Variants in PEBP4 observed in about 807,000 individuals in gnomAD.
PEBP4 encodes the protein phosphatidylethanolamine binding protein 4, also known as phosphatidylethanolamine-binding protein 4.
Under a neutral mutation model 23.9 loss-of-function variants are expected in PEBP4, and 22 were observed. That is an observed-to-expected ratio of 0.92 (90% CI 0.66 to 1.31). The LOEUF (loss-of-function observed/expected upper bound fraction) is 1.31. PEBP4 is among the 40% of genes most tolerant of loss of function. The pLI is 0.00. For synonymous variants in PEBP4, 112 were observed against 99.3 expected, an observed-to-expected ratio of 1.13 and a Z score of -0.76; for missense variants, 324 against 281.7, an observed-to-expected ratio of 1.15 and a Z score of -1.07.
intron 3 of PEBP4, among the ~76,000 whole-genome samples, chr8:22,827,139 T>C (rs1563229381): frequency 6.6e-6 from 1 of 152,148 alleles, no homozygotes; most frequent in Non-Finnish European, 1.5e-5. Context: ...GGAAGCCACA[T>C]TAACAAATCA....
At chr8:22,862,435 G>A (rs754953916) in intron 3 of PEBP4, among the ~76,000 whole-genome samples, 3 of 152,014 alleles carry the variant, frequency 2.0e-5, no homozygotes, top group Non-Finnish European at 4.4e-5. Context: ...TCCTCCCTAA[G>A]TATCTAAGAC....
chr8:22,888,155 C>CT (rs34600138), intron 3 of PEBP4: 37,088 of 129,734 alleles, frequency 0.29, 5,566 homozygotes, highest in East Asian at 0.37. Context: ...CCACCCACTT[C>CT]TTTTTTTTTT....
intron 2 of PEBP4, among the ~76,000 whole-genome samples, chr8:22,922,366 C>T (rs143828097): frequency 1.8e-4 from 28 of 151,424 alleles, no homozygotes; most frequent in South Asian, 1.3e-3. Context: ...ACTTACGAGA[C>T]GACCTGGACA....
chr8:22,887,428 C>T (rs1808406250), intron 3 of PEBP4, among the ~76,000 whole-genome samples: 1 of 151,546 alleles, frequency 6.6e-6, no homozygotes, highest in East Asian at 2.0e-4. Context: ...GGATTACAGG[C>T]GTGAGCCACC....
At chr8:22,909,569 T>C (rs1235075007) in intron 3 of PEBP4, among the ~76,000 whole-genome samples, 1 of 152,114 alleles carries the variant, frequency 6.6e-6, no homozygotes, top group Non-Finnish European at 1.5e-5. Flanking sequence ...TGTATTGGCT[T>C]AGGTGGCTGG....
chr8:22,846,171 C>T (rs538322830), intron 3 of PEBP4, among the ~76,000 whole-genome samples: 2 of 152,340 alleles, frequency 1.3e-5, no homozygotes, highest in Admixed American at 1.3e-4. Context: ...ATCAGGGCAT[C>T]TGTCTCCCTC....
At position 22,772,340 on chromosome 8, in the gene PEBP4, A is replaced by G. The variant is rs140946475; in HGVS notation, c.358-45120T>C. ...TGGGCTGAGATAATTCTGCATATGC[A>G]AAGGCATCTAGAAGAGTCCCAGGCA... On this transcript the variant is annotated intron_variant, in intron 4 of 6. Transcript: ENST00000256404. Among the ~76,000 whole-genome samples the G allele has an allele frequency of 5.8e-3, 891 of 152,348 alleles. 6 individuals are homozygous for G. Among genetic ancestry groups the G allele is most frequent in the African/African-American group, 0.021 (861 of 41,572 alleles).
At chr8:22,829,325 C>G (rs1367773083) in intron 3 of PEBP4, among the ~76,000 whole-genome samples, 1 of 152,164 alleles carries the variant, frequency 6.6e-6, no homozygotes, top group African/African-American at 2.4e-5. Context: ...GAGTGCCACT[C>G]CAAATTTCTC....
chr8:22,796,500 T>G (rs1806263510), intron 4 of PEBP4, among the ~76,000 whole-genome samples: 1 of 152,184 alleles, frequency 6.6e-6, no homozygotes, highest in Non-Finnish European at 1.5e-5. Flanking sequence ...CTGGGAAGCC[T>G]TCCTCCGGGC....
chr8:22,767,164 A>G (rs1805628023), intron 4 of PEBP4, among the ~76,000 whole-genome samples: 1 of 152,192 alleles, frequency 6.6e-6, no homozygotes, highest in Non-Finnish European at 1.5e-5. Flanking sequence ...CAATAAATTG[A>G]CTAGAGCGAA....
chr8:22,728,832 A>G (rs1031808719), intron 4 of PEBP4, among the ~76,000 whole-genome samples: 1 of 152,172 alleles, frequency 6.6e-6, no homozygotes, highest in East Asian at 1.9e-4. Context: ...TCCTGACCTC[A>G]GGTGATCCAC....
intron 3 of PEBP4, among the ~76,000 whole-genome samples, chr8:22,833,941 C>G (rs1474108836): frequency 6.6e-6 from 1 of 152,274 alleles, no homozygotes; most frequent in South Asian, 2.1e-4. Flanking sequence ...CCCTGAAGTC[C>G]GTAGCCAAAT....
At chr8:22,931,207 C>A (rs1168442768), upstream of PEBP4, among the ~76,000 whole-genome samples, 1 of 152,142 alleles carries the variant, frequency 6.6e-6, no homozygotes, top group African/African-American at 2.4e-5. Flanking sequence ...CCCCTGAATT[C>A]TTTTCATTGA....
chr8:22,832,934 T>A (rs1807117075), intron 3 of PEBP4, among the ~76,000 whole-genome samples: 1 of 147,056 alleles, frequency 6.8e-6, no homozygotes, highest in Non-Finnish European at 1.5e-5. Flanking sequence ...CTAGTCCCAA[T>A]CATTTGACCA....
At chr8:22,827,498 T>C (rs1172176037) in intron 3 of PEBP4, among the ~76,000 whole-genome samples, 1 of 151,254 alleles carries the variant, frequency 6.6e-6, no homozygotes. Context: ...ATAATACTTG[T>C]TTTTTTTTGT....
intron 1 of PEBP4, among the ~76,000 whole-genome samples, chr8:22,938,625 A>G (rs1809570751): frequency 6.6e-6 from 1 of 152,212 alleles, no homozygotes; most frequent in South Asian, 2.1e-4. Flanking sequence ...CAGGTGCTCC[A>G]TTACCCCTCG....
intron 3 of PEBP4, among the ~76,000 whole-genome samples, chr8:22,914,480 G>A (rs1809026307): frequency 6.6e-6 from 1 of 152,132 alleles, no homozygotes; most frequent in Non-Finnish European, 1.5e-5. Context: ...GGTGGTGTGA[G>A]TAGCCTACTC....
chr8:22,804,252 G>A (rs962310155), intron 4 of PEBP4, among the ~76,000 whole-genome samples: 1 of 152,058 alleles, frequency 6.6e-6, no homozygotes, highest in Non-Finnish European at 1.5e-5. Context: ...GATGACTTGG[G>A]CCCAGGAGTT....
intron 4 of PEBP4, among the ~76,000 whole-genome samples, chr8:22,772,196 A>G (rs1805729472): frequency 6.6e-6 from 1 of 152,224 alleles, no homozygotes; most frequent in Admixed American, 6.5e-5. Context: ...CCCCTATTAC[A>G]TAGATGAGAA....
Sources: allele counts gnomAD v4.1 joint callset (sites outside exome capture counted in the v4.1 genomes callset), GRCh38; gene constraint gnomAD v4.1.1; transcripts MANE v1.5; gene names NCBI Gene and HGNC (gene_info 2026-07-23, HGNC 2026-07-21).